ZNF385D: variants seen among roughly 807,000 people sequenced by gnomAD.
ZNF385D encodes the protein zinc finger protein 385D.
A neutral mutation model predicts 35.8 loss-of-function variants in ZNF385D; 15 were observed. The observed-to-expected ratio is 0.42, with a 90% CI of 0.28 to 0.64. The LOEUF is 0.64. Among genes scored for constraint, ZNF385D ranks in the 30% least tolerant of loss-of-function variants. The probability of loss-of-function intolerance (pLI) is 0.23; values close to 1 mark genes in which losing one functional copy is unlikely to be tolerated. For missense variants in ZNF385D, 474 were observed against 494.6 expected (o/e 0.96, Z 0.39); for synonymous variants, 212 against 186.8 (o/e 1.13, Z -1.10).
intron 2 of ZNF385D, among the ~76,000 whole-genome samples, chr3:21,628,483 G>T (rs2065194133): frequency 6.6e-6 from 1 of 150,890 alleles, no homozygotes; most frequent in Non-Finnish European, 1.5e-5. Flanking sequence ...AGGATTTGTA[G>T]TAGTTTATAT....
At chr3:21,761,349 A>G (rs770248039) in intron 3 of ZNF385D, among the ~76,000 whole-genome samples, 1 of 152,182 alleles carries the variant, frequency 6.6e-6, no homozygotes, top group Non-Finnish European at 1.5e-5. Context: ...ATTTGGGGTA[A>G]TATTTTTTAC....
chr3:21,614,689 A>G (rs1216438419), intron 2 of ZNF385D, among the ~76,000 whole-genome samples: 1 of 152,174 alleles, frequency 6.6e-6, no homozygotes, highest in Non-Finnish European at 1.5e-5. Context: ...CCCAGGTTCA[A>G]GCAATTCTCC....
intron 2 of ZNF385D, among the ~76,000 whole-genome samples, chr3:22,333,850 T>C (rs1387643952): frequency 6.6e-6 from 1 of 152,178 alleles, no homozygotes; most frequent in African/African-American, 2.4e-5. Context: ...GAGAGAGAAA[T>C]AGGCAAATTC....
chr3:21,854,901 T>C (rs762300729), intron 3 of ZNF385D, among the ~76,000 whole-genome samples: 4 of 151,904 alleles, frequency 2.6e-5, no homozygotes, highest in African/African-American at 7.2e-5. Context: ...GAGTAGTAAA[T>C]TGAAAATTAT....
At chr3:22,232,450 T>A (rs537393089) in intron 2 of ZNF385D, among the ~76,000 whole-genome samples, 1 of 152,140 alleles carries the variant, frequency 6.6e-6, no homozygotes, top group Non-Finnish European at 1.5e-5. Context: ...TTTTGTTACA[T>A]AGGTATACAT....
intron 3 of ZNF385D, among the ~76,000 whole-genome samples, chr3:22,121,490 T>C (rs1272781258): frequency 6.6e-6 from 1 of 152,140 alleles, no homozygotes. Flanking sequence ...CTTAAAATGG[T>C]AACCTGTTAA....
intron 3 of ZNF385D, among the ~76,000 whole-genome samples, chr3:22,136,168 G>A (rs966885485): frequency 6.6e-6 from 1 of 152,162 alleles, no homozygotes; most frequent in Non-Finnish European, 1.5e-5. Context: ...TGGATCGCCT[G>A]AGCTCAGGAG....
intron 3 of ZNF385D, among the ~76,000 whole-genome samples, chr3:21,763,284 G>A (rs528410840): frequency 8.5e-5 from 13 of 152,216 alleles, no homozygotes; most frequent in African/African-American, 2.6e-4. Context: ...AGGTCTCCCC[G>A]GAGATATTCA....
At chr3:21,513,955 G>A (rs556826522) in intron 3 of ZNF385D, among the ~76,000 whole-genome samples, 68 of 152,190 alleles carry the variant, frequency 4.5e-4, no homozygotes, top group Non-Finnish European at 9.1e-4. Flanking sequence ...GATAGATGCA[G>A]ATAGACAAAT....
intron 3 of ZNF385D, among the ~76,000 whole-genome samples, chr3:21,838,821 T>C (rs571639382): frequency 6.6e-6 from 1 of 152,190 alleles, no homozygotes; most frequent in South Asian, 2.1e-4. Context: ...TTAATAGGTG[T>C]CTTGATTTCA....
chr3:21,488,964 G>A (rs1705221872), intron 4 of ZNF385D, among the ~76,000 whole-genome samples: 1 of 152,130 alleles, frequency 6.6e-6, no homozygotes, highest in Non-Finnish European at 1.5e-5. Flanking sequence ...TCAGTCTAAA[G>A]CCCTAGCAGG....
chr3:21,676,546 T>G (rs534223601), intron 1 of ZNF385D, among the ~76,000 whole-genome samples: 8 of 152,098 alleles, frequency 5.3e-5, no homozygotes, highest in African/African-American at 1.4e-4. Flanking sequence ...AGCAAGAAGA[T>G]CCACACAACC....
At position 22,200,820 on chromosome 3, in the gene ZNF385D, A is replaced by G. The variant is rs545609771; in HGVS notation, c.107-31785T>C. Among the ~76,000 whole-genome samples, 10 of 152,168 alleles carry G rather than the reference A, an allele frequency of 6.6e-5. No individual in the cohort carries two copies. The East Asian group carries it at 1.9e-3, about 30-fold the overall frequency. ...CCTTGCTGAGAAAAAGAATTCAGCGATATTTCTCCCATTTGCTTTTGAAAG... is the reference window on the plus strand; with the variant it reads ...CCTTGCTGAGAAAAAGAATTCAGCGGTATTTCTCCCATTTGCTTTTGAAAG... On this transcript the variant is annotated intron_variant, in intron 2 of 5. Coordinates refer to the ZNF385D transcript ENST00000494108.
intron 3 of ZNF385D, among the ~76,000 whole-genome samples, chr3:22,128,026 T>C (rs6763152): frequency 0.9 from 137,198 of 152,214 alleles, 62,074 homozygotes; most frequent in African/African-American, 0.97. Context: ...CCTTTTCTTT[T>C]AGATTGAAAA....
chr3:22,343,733 C>A (rs890351073), intron 2 of ZNF385D, among the ~76,000 whole-genome samples: 1 of 152,330 alleles, frequency 6.6e-6, no homozygotes, highest in African/African-American at 2.4e-5. Flanking sequence ...GTTTTTAATG[C>A]TTGCATCTGA....
chr3:22,120,991 A>G (rs1559384180), intron 3 of ZNF385D, among the ~76,000 whole-genome samples: 1 of 152,216 alleles, frequency 6.6e-6, no homozygotes. Flanking sequence ...CAACATCTGA[A>G]AGACTACTGA....
In ZNF385D at chr3:21,756,741, A is replaced by C. The variant is rs180995793; in HGVS notation, c.326-91713T>G. 3.3e-5 allele frequency among the ~76,000 whole-genome samples: 5 copies of C among 152,354 alleles called. No individual in the cohort carries two copies. In the East Asian group the frequency reaches 9.6e-4, roughly 29 times the overall value. On this transcript the variant is annotated intron_variant, in intron 3 of 5. Transcript: ENST00000494108. The stretch of plus-strand genomic sequence containing the variant: ...AACTTTTGAATGCATATGTGTTGAC[A>C]TATGAATGACATGTGCTGGAAGGCT...
At chr3:22,257,302 A>T (rs932887142) in intron 2 of ZNF385D, among the ~76,000 whole-genome samples, 2 of 151,814 alleles carry the variant, frequency 1.3e-5, no homozygotes, top group East Asian at 1.9e-4. Context: ...AACTTGTTTC[A>T]TTCCTTTTTA....
At chr3:22,208,087 CAAAAG>C (rs1697274051) in intron 2 of ZNF385D, among the ~76,000 whole-genome samples, 1 of 151,782 alleles carries the variant, frequency 6.6e-6, no homozygotes, top group Non-Finnish European at 1.5e-5. Flanking sequence ...GGCATGTACA[CAAAAG>C]AAAAGAAATC....
Sources: gnomAD v4.1 joint callset for allele counts (sites outside exome capture counted in the v4.1 genomes callset) on GRCh38, gnomAD v4.1.1 for gene constraint, MANE v1.5 for transcripts, NCBI Gene and HGNC (gene_info 2026-07-23, HGNC 2026-07-21) for gene names.